Variants in ROBO2 observed in about 807,000 individuals in gnomAD.
The protein encoded by ROBO2 is roundabout guidance receptor 2, also known as roundabout homolog 2.
Under a neutral mutation model 160.8 loss-of-function variants are expected in ROBO2, and 53 were observed. That is an observed-to-expected ratio of 0.33 (90% CI 0.26 to 0.41). The LOEUF (loss-of-function observed/expected upper bound fraction) is 0.41, where lower values mean the gene tolerates loss of function less well. Ranked by LOEUF, ROBO2 falls within the 10% of genes least tolerant of loss-of-function variation. ROBO2 has a pLI of 1.00. For synonymous variants in ROBO2, 664 were observed against 611.7 expected, an observed-to-expected ratio of 1.09 and a Z score of -1.26; for missense variants, 1,577 against 1,722.4, an observed-to-expected ratio of 0.92 and a Z score of 1.49.
At chr3:75,947,247 A>C (rs1027424506) in intron 2 of ROBO2, among the ~76,000 whole-genome samples, 3 of 152,094 alleles carry the variant, frequency 2.0e-5, no homozygotes, top group African/African-American at 7.2e-5. Context: ...TTAGAATCCA[A>C]GTGGAGATAT....
chr3:77,376,495 A>G (rs371347003), intron 2 of ROBO2, among the ~76,000 whole-genome samples: 1 of 152,072 alleles, frequency 6.6e-6, no homozygotes, highest in African/African-American at 2.4e-5. Flanking sequence ...CAACAAGCTA[A>G]AATTCCTCTT....
At chr3:76,668,295 A>G (rs2092132418) in intron 2 of ROBO2, among the ~76,000 whole-genome samples, 1 of 151,882 alleles carries the variant, frequency 6.6e-6, no homozygotes. Context: ...AGAGAAAGAG[A>G]AAGGGACTTG....
At chr3:76,933,660 G>T (rs1306232128) in intron 2 of ROBO2, among the ~76,000 whole-genome samples, 1 of 152,138 alleles carries the variant, frequency 6.6e-6, no homozygotes, top group Non-Finnish European at 1.5e-5. Flanking sequence ...AGTTTGGATT[G>T]TTGGACTCAT....
At chr3:76,351,546 G>C (rs1179235692) in intron 2 of ROBO2, among the ~76,000 whole-genome samples, 1 of 151,738 alleles carries the variant, frequency 6.6e-6, no homozygotes, top group African/African-American at 2.4e-5. Context: ...AACTCCACAG[G>C]GATTCTGATA....
chr3:76,998,158 T>C (rs982727024), intron 2 of ROBO2, among the ~76,000 whole-genome samples: 1 of 152,152 alleles, frequency 6.6e-6, no homozygotes, highest in Non-Finnish European at 1.5e-5. Context: ...CCTGACACAG[T>C]ACATAGTTAT....
At chr3:76,518,104 T>C (rs930416441) in intron 2 of ROBO2, among the ~76,000 whole-genome samples, 1 of 152,148 alleles carries the variant, frequency 6.6e-6, no homozygotes, top group African/African-American at 2.4e-5. Flanking sequence ...CATACAGCAC[T>C]GTGTCAGTTA....
intron 2 of ROBO2, among the ~76,000 whole-genome samples, chr3:76,650,047 A>G (rs1029897719): frequency 1.3e-5 from 2 of 152,152 alleles, no homozygotes; most frequent in African/African-American, 4.8e-5. Flanking sequence ...CGTATTACCC[A>G]CCATATTTCA....
chr3:77,285,020 G>A (rs555991292), intron 2 of ROBO2, among the ~76,000 whole-genome samples: 1 of 152,094 alleles, frequency 6.6e-6, no homozygotes, highest in African/African-American at 2.4e-5. Context: ...AGGCTAATGA[G>A]GGAAAGAAGC....
intron 2 of ROBO2, among the ~76,000 whole-genome samples, chr3:77,393,946 G>C (rs1454918992): frequency 6.6e-6 from 1 of 152,120 alleles, no homozygotes; most frequent in African/African-American, 2.4e-5. Context: ...ATTGGAAGCT[G>C]AGAAATGGAA....
At chr3:77,294,348 AGT>A (rs1344190462) in intron 2 of ROBO2, among the ~76,000 whole-genome samples, 25 of 143,924 alleles carry the variant, frequency 1.7e-4, no homozygotes, top group South Asian at 2.2e-4. Flanking sequence ...AAAGACATAA[AGT>A]AAAATTGATG....
intron 2 of ROBO2, among the ~76,000 whole-genome samples, chr3:76,660,854 T>C (rs938391630): frequency 6.6e-6 from 1 of 152,216 alleles, no homozygotes; most frequent in South Asian, 2.1e-4. Context: ...TATGGACTTA[T>C]TCACTTTAAG....
Position 77,386,603 on chromosome 3 carries a change from A to ATTTTTT in ROBO2, c.389-90799_389-90794dup, listed in dbSNP as rs71104679. ...AGTTAATTATTTTTTCAGCCAGGTA[A>ATTTTTT]TTTTTTTTTTTTTTTTTGAAATAGA... On this transcript the variant is annotated intron_variant, in intron 2 of 25. Coordinates refer to ENST00000461745, the Ensembl canonical transcript of ROBO2. 2.3e-3 allele frequency among the ~76,000 whole-genome samples: 207 copies of ATTTTTT among 91,892 alleles called. 15 individuals carry two copies. The highest frequency in any genetic ancestry group is 3.8e-3 in the Non-Finnish European group (179 of 47,110). 60.3% of individuals were successfully genotyped at this position (91,892 alleles called of 152,430 possible).
intron 2 of ROBO2, among the ~76,000 whole-genome samples, chr3:76,669,018 G>A (rs1338504616): frequency 6.6e-6 from 1 of 152,116 alleles, no homozygotes; most frequent in Non-Finnish European, 1.5e-5. Context: ...AGTACAGCGA[G>A]AGAGGGGCAT....
At chr3:76,032,795 C>T (rs149703531) in intron 2 of ROBO2, among the ~76,000 whole-genome samples, 2,081 of 152,132 alleles carry the variant, frequency 0.014, 47 homozygotes, top group African/African-American at 0.047. Flanking sequence ...AATGTAAAAA[C>T]TGTTTAAACA....
intron 2 of ROBO2, among the ~76,000 whole-genome samples, chr3:76,016,783 C>G (rs1394147489): frequency 6.6e-6 from 1 of 151,958 alleles, no homozygotes. Flanking sequence ...TTACCTGAGT[C>G]CCCTCAGGTA....
At chr3:77,308,875 G>T (rs940064423) in intron 2 of ROBO2, among the ~76,000 whole-genome samples, 2 of 152,090 alleles carry the variant, frequency 1.3e-5, no homozygotes, top group African/African-American at 4.8e-5. Context: ...ATAGAAAATG[G>T]TTGATCTGGG....
chr3:77,055,806 T>G (rs1213796746), intron 1 of ROBO2, among the ~76,000 whole-genome samples: 2 of 152,198 alleles, frequency 1.3e-5, no homozygotes, highest in African/African-American at 2.4e-5. Flanking sequence ...TTCTTACTTT[T>G]TCGCTTCTAA....
intron 2 of ROBO2, among the ~76,000 whole-genome samples, chr3:77,372,339 T>A (rs1199064698): frequency 6.6e-6 from 1 of 152,278 alleles, no homozygotes; most frequent in East Asian, 1.9e-4. Flanking sequence ...TTGAGGGCTA[T>A]TAAAATAATC....
intron 2 of ROBO2, among the ~76,000 whole-genome samples, chr3:77,444,499 G>C (rs2080266367): frequency 6.6e-6 from 1 of 151,886 alleles, no homozygotes; most frequent in South Asian, 2.1e-4. Context: ...TCTGTCTGTT[G>C]GTGTTTTTTA....
Sources: allele counts gnomAD v4.1 joint callset (sites outside exome capture counted in the v4.1 genomes callset), GRCh38; gene constraint gnomAD v4.1.1; transcripts MANE v1.5; gene names NCBI Gene and HGNC (gene_info 2026-07-23, HGNC 2026-07-21).